ESYT2: variants seen among roughly 807,000 people sequenced by gnomAD.
ESYT2 encodes the protein extended synaptotagmin-2.
In ESYT2, 54 loss-of-function variants were observed where a neutral mutation model predicts 107.2. The observed-to-expected ratio is 0.50, with a 90% confidence interval of 0.40 to 0.63. The LOEUF (loss-of-function observed/expected upper bound fraction) is 0.63, where lower values mean the gene tolerates loss of function less well. Ranked by LOEUF, ESYT2 falls within the 30% of genes least tolerant of loss-of-function variation. ESYT2 has a pLI of 0.00. For synonymous variants in ESYT2, 491 were observed against 434.1 expected (o/e 1.13, Z -1.63); for missense variants, 1,020 against 1,094.5 (o/e 0.93, Z 0.96).
chr7:158,798,182 T>C (rs1839526771), intron 2 of ESYT2, 106 bp from the exon 3 acceptor site: 8 of 1,214,702 alleles, frequency 6.6e-6, no homozygotes, highest in Non-Finnish European at 8.0e-6. Context: ...GTTTTGAAAA[T>C]AAAGGGCGGG....
intron 7 of ESYT2, 150 bp downstream of exon 7, chr7:158,773,191 C>T: frequency 3.4e-6 from 3 of 871,050 alleles, no homozygotes; most frequent in Non-Finnish European, 1.9e-6. Context: ...CCCCTGTACC[C>T]TCTGCTTGTT....
At chr7:158,785,458 T>C (rs1016290836) in intron 6 of ESYT2, among the ~76,000 whole-genome samples, 1 of 147,746 alleles carries the variant, frequency 6.8e-6, no homozygotes, top group African/African-American at 2.7e-5. Context: ...AATAAATAAA[T>C]AAATAAATAA....
At chr7:158,780,135 T>A (rs1838721340) in intron 6 of ESYT2, among the ~76,000 whole-genome samples, 1 of 152,198 alleles carries the variant, frequency 6.6e-6, no homozygotes, top group South Asian at 2.1e-4. Context: ...ACTAGAAGCA[T>A]CCCTATCAAA....
At chr7:158,808,972 T>G (rs747071172) in intron 1 of ESYT2, among the ~76,000 whole-genome samples, 4 of 151,606 alleles carry the variant, frequency 2.6e-5, no homozygotes, top group African/African-American at 7.3e-5. Context: ...TGAGATTCTA[T>G]CTCAGAAAAC....
At chr7:158,812,603 A>C (rs1193954860) in intron 1 of ESYT2, among the ~76,000 whole-genome samples, 1 of 152,204 alleles carries the variant, frequency 6.6e-6, no homozygotes, top group Non-Finnish European at 1.5e-5. Context: ...GTATATACTC[A>C]AAAGAACTGA....
intron 19 of ESYT2, 67 bp downstream of exon 19, chr7:158,738,956 T>A: frequency 6.9e-7 from 1 of 1,450,280 alleles, no homozygotes; most frequent in South Asian, 1.2e-5. Flanking sequence ...AGGCGGTGTC[T>A]ACATCATCCT....
At chr7:158,756,786 G>A (rs1303911664) in intron 13 of ESYT2, among the ~76,000 whole-genome samples, 1 of 151,950 alleles carries the variant, frequency 6.6e-6, no homozygotes, top group African/African-American at 2.4e-5. Flanking sequence ...GTGGGTGCCT[G>A]TAATCCCAGC....
At chr7:158,778,478 A>G (rs551640903) in intron 6 of ESYT2, among the ~76,000 whole-genome samples, 55 of 152,296 alleles carry the variant, frequency 3.6e-4, no homozygotes, top group African/African-American at 8.7e-4. Flanking sequence ...AAAAAAGATA[A>G]ATGTAACTAG....
At chr7:158,748,093 T>C (rs757460271) in intron 16 of ESYT2, 101 bp downstream of exon 16, 4 of 1,045,548 alleles carry the variant, frequency 3.8e-6, no homozygotes, top group Non-Finnish European at 5.7e-6. Flanking sequence ...ATTCTGGCGA[T>C]GGATCCCCAG....
At chr7:158,738,708 C>T (rs1204775499) in intron 19 of ESYT2, among the ~76,000 whole-genome samples, 1 of 152,198 alleles carries the variant, frequency 6.6e-6, no homozygotes, top group Non-Finnish European at 1.5e-5. Context: ...CCACCTCAGC[C>T]TCCCAAAGTG....
intron 6 of ESYT2, among the ~76,000 whole-genome samples, chr7:158,777,304 C>T (rs140615613): frequency 1.2e-4 from 18 of 152,272 alleles, no homozygotes; most frequent in African/African-American, 4.3e-4. Context: ...GGAGAACAGT[C>T]AGTCAGTGGA....
intron 1 of ESYT2, among the ~76,000 whole-genome samples, chr7:158,813,473 G>A (rs1012880350): frequency 5.3e-5 from 8 of 152,224 alleles, no homozygotes; most frequent in African/African-American, 1.7e-4. Context: ...AGCAAAGGAA[G>A]TTGTAAGAAG....
In ESYT2 at chr7:158,731,771, C is replaced by G. The variant is rs1836761312; in HGVS notation, c.*2436G>C. 1 of 152,624 alleles carries G rather than the reference C, an allele frequency of 6.6e-6. No individual in the cohort carries two copies. Among genetic ancestry groups the G allele is most frequent in the South Asian group, 2.1e-4 (1 of 4,836 alleles). The allele number at this position is 152,624 out of a possible 1,614,324, so 9.5% of individuals were successfully genotyped here. The stretch of plus-strand genomic sequence containing the variant: ...GCTCAAGGTAGAAAAGTTAAAATTC[C>G]CTTTTCTTAGATAAACTGATTATTT... On this transcript the variant is annotated 3_prime_UTR_variant, in exon 23 of 23. Coordinates refer to ENST00000275418, the MANE Select transcript of ESYT2 (RefSeq NM_001367773.1).
intron 9 of ESYT2, among the ~76,000 whole-genome samples, 172 bp downstream of exon 9, chr7:158,764,505 A>C (rs1838082333): frequency 6.6e-6 from 1 of 152,242 alleles, no homozygotes; most frequent in African/African-American, 2.4e-5. Context: ...AATGTTGTGT[A>C]GTAAGGAGAG....
At chr7:158,780,734 C>G (rs892804914) in intron 6 of ESYT2, among the ~76,000 whole-genome samples, 5 of 152,048 alleles carry the variant, frequency 3.3e-5, no homozygotes, top group African/African-American at 1.2e-4. Flanking sequence ...GCAGGAATTG[C>G]GGAAGGAAAG....
In ESYT2 at chr7:158,757,762, T is replaced by G. The variant is rs112493680; in HGVS notation, c.1419+1724A>C. Among the ~76,000 whole-genome samples the G allele has an allele frequency of 4.8e-3, 733 of 151,164 alleles. 13 individuals carry two copies. Among genetic ancestry groups the G allele is most frequent in the African/African-American group, 0.016 (663 of 40,552 alleles). On this transcript the variant is annotated intron_variant, in intron 13 of 22. Transcript: ENST00000275418. ...CAATACAGTCTCTCTGGGTTTTTTT[T>G]TTTTTGTTTTTTGTTTTTTTTGCTT...
intron 20 of ESYT2, among the ~76,000 whole-genome samples, chr7:158,736,464 G>T (rs1836953114): frequency 6.6e-6 from 1 of 152,112 alleles, no homozygotes; most frequent in African/African-American, 2.4e-5. Flanking sequence ...TAAAAGTGGG[G>T]GCCAATGACC....
chr7:158,826,515 ATTTTTTT>A (rs59113742), intron 1 of ESYT2, among the ~76,000 whole-genome samples: 1 of 145,536 alleles, frequency 6.9e-6, no homozygotes, highest in Non-Finnish European at 1.5e-5. Flanking sequence ...TTACTTTTGT[ATTTTTTT>A]TTTTTTTAAA....
At chr7:158,771,755 C>T (rs975078751) in intron 7 of ESYT2, among the ~76,000 whole-genome samples, 1 of 152,298 alleles carries the variant, frequency 6.6e-6, no homozygotes, top group Non-Finnish European at 1.5e-5. Context: ...CATGCACGAG[C>T]GGCTGCAGCT....
Sources: allele counts gnomAD v4.1 joint callset (sites outside exome capture counted in the v4.1 genomes callset), GRCh38; gene constraint gnomAD v4.1.1; transcripts MANE v1.5; gene names NCBI Gene and HGNC (gene_info 2026-07-23, HGNC 2026-07-21).